Variants in CEP97 observed in about 807,000 individuals in gnomAD.
The protein encoded by CEP97 is centrosomal protein 97.
A neutral mutation model predicts 73.1 loss-of-function variants in CEP97; 43 were observed. The observed-to-expected ratio is 0.59, with a 90% CI of 0.46 to 0.76. CEP97 has a LOEUF of 0.76. Ranked by LOEUF, CEP97 falls within the 30% of genes least tolerant of loss-of-function variation. CEP97 has a pLI of 0.00. For synonymous variants in CEP97, 337 were observed against 370.0 expected (o/e 0.91, Z 1.02); for missense variants, 939 against 1,014.0 (o/e 0.93, Z 1.00).
Position 101,769,315 on chromosome 3 carries a change from C to T in CEP97, c.*3764C>T, listed in dbSNP as rs1183642738. 2 of 150,228 alleles carry T rather than the reference C, an allele frequency of 1.3e-5. No individual in the cohort carries two copies. The highest frequency in any genetic ancestry group is 4.9e-5 in the African/African-American group (2 of 40,932). 9.3% of individuals were successfully genotyped at this position (150,228 alleles called of 1,614,324 possible). On this transcript the variant is annotated 3_prime_UTR_variant, in exon 11 of 11. Coordinates refer to ENST00000341893, the MANE Select transcript of CEP97 (RefSeq NM_024548.4). Reference sequence around the variant, plus strand: ...CCATCATAAAGGAAAGAAGAGACTTCATTGTGTGTGTGTTTTTTTTTTTTT... The same window carrying T: ...CCATCATAAAGGAAAGAAGAGACTTTATTGTGTGTGTGTTTTTTTTTTTTT...
At position 101,767,700 on chromosome 3, in the gene CEP97, T is replaced by A. The variant is rs895755768; in HGVS notation, c.*2149T>A. The A allele has an allele frequency of 2.6e-5, 4 of 152,228 alleles. No individual in the cohort carries two copies. The highest frequency in any genetic ancestry group is 5.9e-5 in the Non-Finnish European group (4 of 68,026). 9.4% of individuals were successfully genotyped at this position (152,228 alleles called of 1,614,324 possible). On this transcript the variant is annotated 3_prime_UTR_variant, in exon 11 of 11. Coordinates refer to ENST00000341893, the MANE Select transcript of CEP97 (RefSeq NM_024548.4). Reference sequence around the variant, plus strand: ...ACAAATAGTACTCAGCATACTTTCATTAAAAATTTGGCACAATATGATAAT... The same window carrying A: ...ACAAATAGTACTCAGCATACTTTCAATAAAAATTTGGCACAATATGATAAT...
rs1939029138 is a variant in CEP97 at position 101,757,148 on chromosome 3, C to T, written c.979C>T (p.Pro327Ser). 1 of 1,613,236 alleles carries T rather than the reference C, an allele frequency of 6.2e-7. No homozygotes were observed. The highest frequency in any genetic ancestry group is 8.5e-7 in the Non-Finnish European group (1 of 1,179,768). ...TGTTGAAACAAGGGCATCCCTTATT[C>T]CTGAGCATTCAAGCCCTGTTCAAGA... ...VPVETRASLI[P>S]EHSSPVQDCQ... Residue 327 changes from proline to serine, a missense_variant, in exon 8 of 11, where the codon CCT (proline) becomes TCT (serine). Physicochemically the swap from Pro to Ser is moderately conservative, Grantham distance 74 (BLOSUM62 -1). Coordinates refer to ENST00000341893, the MANE Select transcript of CEP97 (RefSeq NM_024548.4).
rs1435073017 is a variant in CEP97 at position 101,757,804 on chromosome 3, T to C, written c.1198T>C (p.Ser400Pro). ...DEDKLNCSLL[S>P]SESTFMPVAS... ...GGACAAGTTAAACTGTAGTCTTCTC[T>C]CTTCAGAGTCTACTTTTATGCCAGT... The change falls in exon 9 of 11, where the codon TCT becomes CCT. Residue 400 changes from serine (S) to proline (P), a missense_variant. Coordinates refer to ENST00000341893, the MANE Select transcript of CEP97 (RefSeq NM_024548.4). 6.2e-7 allele frequency: 1 copy of C among 1,614,272 alleles called. No individual in the cohort carries two copies. Among genetic ancestry groups the C allele is most frequent in the Non-Finnish European group, 8.5e-7 (1 of 1,180,042 alleles).
At chr3:101,746,153 C>G (rs551148554) in intron 6 of CEP97, among the ~76,000 whole-genome samples, 1,956 of 152,286 alleles carry the variant, frequency 0.013, 11 homozygotes, top group Admixed American at 0.022. Flanking sequence ...TCCAGTCTAT[C>G]ATTGTTGGAC....
chr3:101,743,085 A>G (rs1938507307), intron 6 of CEP97, among the ~76,000 whole-genome samples: 1 of 151,928 alleles, frequency 6.6e-6, no homozygotes, highest in Non-Finnish European at 1.5e-5. Flanking sequence ...CTCTACAAAA[A>G]AATACAAAAA....
intron 6 of CEP97, among the ~76,000 whole-genome samples, chr3:101,739,735 G>A (rs185973900): frequency 7.9e-5 from 12 of 152,032 alleles, no homozygotes; most frequent in East Asian, 3.9e-4. Context: ...GTAAAACCCC[G>A]TCTCTACTAA....
chr3:101,759,064 G>T (rs1187813276), intron 9 of CEP97: 1 of 152,570 alleles, frequency 6.6e-6, no homozygotes, highest in South Asian at 2.1e-4. Flanking sequence ...GAGATGAGAG[G>T]TGCCACAGAG....
chr3:101,732,492 CT>C lies in CEP97; in HGVS notation c.572del (p.Leu191TrpfsTer4). On this transcript the variant is annotated frameshift_variant, in exon 6 of 11. Coordinates refer to ENST00000341893, the MANE Select transcript of CEP97 (RefSeq NM_024548.4). LOFTEE classifies it high-confidence loss of function. Reference protein sequence around the residue: ...ENEIRDLNEISFLASLTELEQ... With the variant: ...ENEIRDLNEIXFLASLTELEQ... The stretch of plus-strand genomic sequence containing the variant: ...CAAAGATATCTTTTGTTCCAGATCT[CT>C]TTTTTGGCATCCTTAACTGAATTGG... 1.2e-6 allele frequency: 2 copies of C among 1,601,290 alleles called. No homozygotes were observed. The highest frequency in any genetic ancestry group is 1.1e-5 in the South Asian group (1 of 90,090).
intron 6 of CEP97, among the ~76,000 whole-genome samples, chr3:101,742,071 C>CA (rs1330559559): frequency 4.5e-4 from 66 of 147,540 alleles, no homozygotes; most frequent in African/African-American, 1.1e-3. Flanking sequence ...AACAAAAAAA[C>CA]AAAAAAAACA....
chr3:101,736,017 C>T (rs1938264647), intron 6 of CEP97, among the ~76,000 whole-genome samples: 2 of 152,188 alleles, frequency 1.3e-5, no homozygotes, highest in Non-Finnish European at 2.9e-5. Context: ...GGGGGAGGGG[C>T]ATCTGCCTTT....
At chr3:101,740,781 G>A (rs1237003489) in intron 6 of CEP97, among the ~76,000 whole-genome samples, 1 of 152,108 alleles carries the variant, frequency 6.6e-6, no homozygotes, top group South Asian at 2.1e-4. Context: ...TAGAGATGGG[G>A]TTTCTCCATG....
chr3:101,732,451 T>C, intron 5 of CEP97, 37 bp from the exon 6 acceptor site: 1 of 1,499,306 alleles, frequency 6.7e-7, no homozygotes, highest in Admixed American at 1.8e-5. Context: ...TGACACTGAA[T>C]AGTCCTTTTG....
chr3:101,735,720 T>A (rs1246658059), intron 6 of CEP97, among the ~76,000 whole-genome samples: 1 of 152,114 alleles, frequency 6.6e-6, no homozygotes, highest in Non-Finnish European at 1.5e-5. Flanking sequence ...GGAGATTCCC[T>A]CCAGTGCCTA....
intron 2 of CEP97, 53 bp from the exon 3 acceptor site, chr3:101,727,329 GA>G: frequency 6.8e-7 from 1 of 1,464,082 alleles, no homozygotes; most frequent in Non-Finnish European, 9.4e-7. Flanking sequence ...ACTTTAATGT[GA>G]AATATTTTAT....
intron 9 of CEP97, 24 bp downstream of exon 9, chr3:101,758,447 C>G (rs1174116433): frequency 6.2e-7 from 1 of 1,611,662 alleles, no homozygotes; most frequent in Admixed American, 1.7e-5. Context: ...CCTTTTGATG[C>G]ACTGTTTTGT....
In CEP97 at chr3:101,757,820, T is replaced by C; in HGVS notation, c.1214T>C (p.Phe405Ser). ...AGTCTTCTCTCTTCAGAGTCTACTT[T>C]TATGCCAGTTGCATCAGGACTGTCT... ...NCSLLSSEST[F>S]MPVASGLSPL... Residue 405 changes from phenylalanine to serine, a missense_variant, in exon 9 of 11, where the codon TTT (phenylalanine) becomes TCT (serine). Phe to Ser is a radical substitution (Grantham distance 155). Coordinates refer to ENST00000341893, the MANE Select transcript of CEP97 (RefSeq NM_024548.4). The C allele has an allele frequency of 6.2e-7, 1 of 1,614,252 alleles. No individual in the cohort carries two copies. The highest frequency in any genetic ancestry group is 8.5e-7 in the Non-Finnish European group (1 of 1,180,050).
At chr3:101,753,890 C>CAT (rs1938925175) in intron 6 of CEP97, among the ~76,000 whole-genome samples, 3 of 152,296 alleles carry the variant, frequency 2.0e-5, no homozygotes, top group African/African-American at 4.8e-5. Context: ...CTTCGGCTTG[C>CAT]GCACGGTGCG....
chr3:101,751,430 C>T (rs180998120), intron 6 of CEP97, among the ~76,000 whole-genome samples: 63 of 152,140 alleles, frequency 4.1e-4, no homozygotes, highest in African/African-American at 7.7e-4. Flanking sequence ...CTATTAGGTC[C>T]GCTTGGTGCA....
intron 6 of CEP97, among the ~76,000 whole-genome samples, chr3:101,754,774 C>T (rs1157605980): frequency 6.6e-6 from 1 of 152,054 alleles, no homozygotes; most frequent in East Asian, 1.9e-4. Context: ...GAGTATTTGT[C>T]CTATAGAGTT....
Sources: allele counts gnomAD v4.1 joint callset (sites outside exome capture counted in the v4.1 genomes callset), GRCh38; gene constraint gnomAD v4.1.1; transcripts MANE v1.5; gene names NCBI Gene and HGNC (gene_info 2026-07-23, HGNC 2026-07-21).